The following PATL2 variants were observed in gnomAD, a reference collection of about 807,000 sequenced individuals.
The protein encoded by PATL2 is PAT1 homolog 2, also known as protein PAT1 homolog 2.
PATL2 carries 73 observed loss-of-function variants against 77.0 expected under a neutral mutation model. The ratio of observed to expected loss-of-function variants is 0.95; its 90% CI spans 0.78 to 1.15. The LOEUF (loss-of-function observed/expected upper bound fraction) is 1.15, where lower values mean the gene tolerates loss of function less well. Among genes scored for constraint, PATL2 ranks in the 50% most tolerant of loss-of-function variants. The pLI is 0.00. For synonymous variants in PATL2, 265 were observed against 257.1 expected, an observed-to-expected ratio of 1.03 and a Z score of -0.29; for missense variants, 618 against 655.4, an observed-to-expected ratio of 0.94 and a Z score of 0.62.
rs2086192811 is a variant in PATL2, at chr15:44,683,934, T to C, written c.-75-7369A>G. On this transcript the variant is annotated intron_variant, in intron 3 of 17. Coordinates refer to ENST00000682850, the MANE Select transcript of PATL2 (RefSeq NM_001387263.1). ...ATCTTTGCCGTTCTGCAGTCTCCGCTGGTGATACCCAGGAAAACAGGGTCT... is the reference window on the plus strand; with the variant it reads ...ATCTTTGCCGTTCTGCAGTCTCCGCCGGTGATACCCAGGAAAACAGGGTCT... Among the ~76,000 whole-genome samples the C allele has an allele frequency of 2.0e-5, 3 of 152,032 alleles. No homozygotes were observed. In the South Asian group the frequency reaches 6.2e-4, roughly 32 times the overall value.
intron 3 of PATL2, among the ~76,000 whole-genome samples, chr15:44,706,745 C>A (rs1394199113): frequency 1.3e-5 from 2 of 152,216 alleles, no homozygotes; most frequent in African/African-American, 4.8e-5. Flanking sequence ...CCTATGGTAA[C>A]CACCGCCTGG....
chr15:44,709,691 C>A (rs182087441), intron 3 of PATL2, among the ~76,000 whole-genome samples: 1 of 152,054 alleles, frequency 6.6e-6, no homozygotes, highest in African/African-American at 2.4e-5. Context: ...TACAGGTATT[C>A]CCCCCCAAAG....
chr15:44,693,654 A>C (rs1014925355), intron 3 of PATL2, among the ~76,000 whole-genome samples: 1 of 152,004 alleles, frequency 6.6e-6, no homozygotes, highest in South Asian at 2.1e-4. Flanking sequence ...GCCTACCACA[A>C]GGCATGATAT....
At chr15:44,676,605 A>G in intron 3 of PATL2, 40 bp from the exon 4 acceptor site, 1 of 1,496,418 alleles carries the variant, frequency 6.7e-7, no homozygotes, top group Non-Finnish European at 9.1e-7. Context: ...ATCCTCAGTC[A>G]GTAAGGATGA....
At chr15:44,674,743 A>C (rs2085867914) in intron 5 of PATL2, 1 of 151,688 alleles carries the variant, frequency 6.6e-6, no homozygotes, top group African/African-American at 2.4e-5. Context: ...AATTTTTGAA[A>C]ATTTTTTTTC....
intron 3 of PATL2, among the ~76,000 whole-genome samples, chr15:44,690,066 G>C (rs1157223541): frequency 6.6e-6 from 1 of 152,062 alleles, no homozygotes; most frequent in African/African-American, 2.4e-5. Flanking sequence ...GCACATGCCT[G>C]TAATCCCAGC....
chr15:44,687,271 T>A (rs932119911), intron 3 of PATL2, among the ~76,000 whole-genome samples: 2 of 152,198 alleles, frequency 1.3e-5, no homozygotes, highest in Non-Finnish European at 2.9e-5. Context: ...TCGATTAACG[T>A]AATCCATCAC....
chr15:44,680,407 T>A (rs771812928), intron 3 of PATL2, among the ~76,000 whole-genome samples: 1 of 152,138 alleles, frequency 6.6e-6, no homozygotes, highest in African/African-American at 2.4e-5. Flanking sequence ...TCACCTCTTA[T>A]GTTATGGGGA....
chr15:44,703,443 T>G (rs1241545765), intron 3 of PATL2, among the ~76,000 whole-genome samples: 2 of 152,106 alleles, frequency 1.3e-5, no homozygotes, highest in Admixed American at 1.3e-4. Context: ...TCTAATAATA[T>G]TTACTTTATA....
At chr15:44,684,766 G>A (rs530750184) in intron 3 of PATL2, among the ~76,000 whole-genome samples, 17 of 152,096 alleles carry the variant, frequency 1.1e-4, no homozygotes, top group East Asian at 5.8e-4. Flanking sequence ...GATATTCCTC[G>A]AGAAGAGCAA....
rs754039562 is a variant in PATL2, at chr15:44,670,030, T to G, written c.715A>C (p.Asn239His). 6.0e-5 allele frequency: 93 copies of G among 1,551,008 alleles called. No individual in the cohort carries two copies. The highest frequency in any genetic ancestry group is 8.0e-5 in the Non-Finnish European group (92 of 1,146,830). The change falls in exon 10 of 18, where the codon AAC (asparagine) becomes CAC (histidine). Residue 239 changes from asparagine (N) to histidine (H), a missense_variant. By Grantham distance (68) the Asn-to-His change is moderately conservative (BLOSUM62 1). Transcript: ENST00000682850. The stretch of plus-strand genomic sequence containing the variant: ...ACCAGCTTGAGGGACTCAACCCGGT[T>G]TCTTCGTCCAAGTAGCTCTTCGTCT... ...QADEELLGRR[N>H]RVESLKLVTP...
At chr15:44,708,025 A>G (rs888139683) in intron 3 of PATL2, among the ~76,000 whole-genome samples, 16 of 152,330 alleles carry the variant, frequency 1.1e-4, no homozygotes, top group Admixed American at 7.2e-4. Context: ...CTGAGTTCCA[A>G]TGCAAAGTCT....
intron 3 of PATL2, among the ~76,000 whole-genome samples, chr15:44,682,483 T>C (rs369664441): frequency 3.3e-5 from 5 of 152,124 alleles, no homozygotes; most frequent in African/African-American, 1.2e-4. Flanking sequence ...TGGAACAGAG[T>C]AGGTTCTTAG....
chr15:44,675,582 GTCCTCCTCCTCT>G lies in PATL2; in HGVS notation c.114_125del (p.Glu38_Glu41del), dbSNP rs770146930. 42 of 1,551,368 alleles carry G rather than the reference GTCCTCCTCCTCT, an allele frequency of 2.7e-5. No individual in the cohort carries two copies. Among genetic ancestry groups the G allele is most frequent in the Middle Eastern group, 1.7e-4 (1 of 6,020 alleles). ...CCAGATCTGGGTCCAGATCCTCCTCGTCCTCCTCCTCTTCCTCCTCCTCCCCTTCATTCTCTT... is the reference window on the plus strand; with the variant it reads ...CCAGATCTGGGTCCAGATCCTCCTCGTCCTCCTCCTCCCCTTCATTCTCTT... On this transcript the variant is annotated inframe_deletion, in exon 5 of 18. Transcript: ENST00000682850.
Position 44,669,630 on chromosome 15 carries a change from A to G in PATL2, c.877-67T>C, listed in dbSNP as rs527998052. ...GCCACAGCCCTAGCCCAGGCCCCCA[A>G]CTAGCTAGAGATTGAGCTGGAAAGG... On this transcript the variant is annotated intron_variant, in intron 11 of 17. Coordinates refer to ENST00000682850, the MANE Select transcript of PATL2 (RefSeq NM_001387263.1). 207 of 1,525,338 alleles carry G rather than the reference A, an allele frequency of 1.4e-4. No homozygotes were observed. In the East Asian group the frequency reaches 1.4e-3, roughly 10 times the overall value. 94.5% of individuals were successfully genotyped at this position (1,525,338 alleles called of 1,614,324 possible).
intron 3 of PATL2, among the ~76,000 whole-genome samples, chr15:44,678,024 T>C (rs28439312): frequency 6.6e-6 from 1 of 150,982 alleles, no homozygotes; most frequent in Admixed American, 6.6e-5. Flanking sequence ...ATATATATAT[T>C]TTTTTTCAGT....
At position 44,666,395 on chromosome 15, in the gene PATL2, A is replaced by G; in HGVS notation, c.1610T>C (p.Met537Thr). The change falls in exon 17 of 18, where the codon ATG becomes ACG. Residue 537 changes from methionine (M) to threonine (T), a missense_variant. Physicochemically the swap from Met to Thr is moderately conservative, Grantham distance 81. Transcript: ENST00000682850. ...CCTTGTTTCTGCCATTACTTACTCC[A>G]TCCTGGCCTCCAGCTGCTGAACCAA... is the stretch of plus-strand genomic sequence containing the variant. ...KQLVQQLEARMEFAWIY is the reference protein window; with the variant it reads ...KQLVQQLEARTEFAWIY 1.3e-6 allele frequency: 2 copies of G among 1,551,652 alleles called. No individual in the cohort carries two copies. Among genetic ancestry groups the G allele is most frequent in the South Asian group, 1.2e-5 (1 of 84,052 alleles).
chr15:44,689,067 T>G (rs2086326782), intron 3 of PATL2, among the ~76,000 whole-genome samples: 1 of 152,148 alleles, frequency 6.6e-6, no homozygotes, highest in Non-Finnish European at 1.5e-5. Flanking sequence ...GAACAAACAC[T>G]TCTCAAAAGA....
rs1261602458 is a variant in PATL2, at chr15:44,669,315, G to C, written c.1029C>G (p.Phe343Leu). The change falls in exon 13 of 18, where the codon TTC (phenylalanine) becomes TTG (leucine). Residue 343 changes from phenylalanine to leucine, a missense_variant. Coordinates refer to ENST00000682850, the MANE Select transcript of PATL2 (RefSeq NM_001387263.1). Reference sequence around the variant, plus strand: ...TCTGCTCCTGGGTCTTTAAGGTCTGGAAGAGCTTCTCAACCTGGTTGCTTT... The same window carrying C: ...TCTGCTCCTGGGTCTTTAAGGTCTGCAAGAGCTTCTCAACCTGGTTGCTTT... ...EQQSNQVEKL[F>L]QTLKTQEQNN... 6.4e-7 allele frequency: 1 copy of C among 1,551,576 alleles called. No homozygotes were observed.
Sources: gnomAD v4.1 joint callset for allele counts (sites outside exome capture counted in the v4.1 genomes callset) on GRCh38, gnomAD v4.1.1 for gene constraint, MANE v1.5 for transcripts, NCBI Gene and HGNC (gene_info 2026-07-23, HGNC 2026-07-21) for gene names.